The following MYT1 variants were observed in gnomAD, a reference collection of about 807,000 sequenced individuals.
MYT1 encodes the protein myelin transcription factor 1, also known as myelin transcription factor I.
Under a neutral mutation model 123.0 loss-of-function variants are expected in MYT1, and 23 were observed. The ratio of observed to expected loss-of-function variants is 0.19; its 90% CI spans 0.13 to 0.26. MYT1 has a LOEUF of 0.26. Ranked by LOEUF, MYT1 falls within the 10% of genes least tolerant of loss-of-function variation. MYT1 has a pLI of 1.00. For missense variants in MYT1, 1,125 were observed against 1,472.5 expected (o/e 0.76, Z 3.86); for synonymous variants, 518 against 575.3 (o/e 0.90, Z 1.43).
In MYT1 at chr20:64,166,520, C is replaced by T. The variant is rs398111; in HGVS notation, c.-99+1781C>T. Reference sequence around the variant, plus strand: ...TCTGACCTCCTTGGGCCATGAATCCCTGAAGAGGGCCTGGTAGCCCTCTTC... The same window carrying T: ...TCTGACCTCCTTGGGCCATGAATCCTTGAAGAGGGCCTGGTAGCCCTCTTC... On this transcript the variant is annotated intron_variant, in intron 1 of 22. Coordinates refer to ENST00000328439, the MANE Select transcript of MYT1 (RefSeq NM_004535.3). This position sits in a 1 kb window ranked among gnomAD's most constrained non-coding sequence, Gnocchi z 4.9. Among the ~76,000 whole-genome samples the T allele has an allele frequency of 0.25, 37,500 of 152,028 alleles. 5,024 individuals carry two copies. Among genetic ancestry groups the T allele is most frequent in the East Asian group, 0.39 (2,022 of 5,140 alleles).
rs1263331180 is a variant in MYT1 at position 64,202,447 on chromosome 20, A to G, written c.86+2525A>G. On this transcript the variant is annotated intron_variant, in intron 4 of 22. Transcript: ENST00000328439. The surrounding 1 kb of genome is among the most constrained non-coding windows in gnomAD (Gnocchi z 5.0). ...AGGGAAGGTTAGGGTTGGGGTTAGC[A>G]TCTTTGAGACAGCGAGGCGCTGACA... 6.6e-6 allele frequency among the ~76,000 whole-genome samples: 1 copy of G among 152,142 alleles called. No individual in the cohort carries two copies. The highest frequency in any genetic ancestry group is 1.9e-4 in the East Asian group (1 of 5,180).
rs1982897202 is a variant in MYT1 at position 64,189,155 on chromosome 20, G to C, written c.-98-908G>C. Among the ~76,000 whole-genome samples, 1 of 152,192 alleles carries C rather than the reference G, an allele frequency of 6.6e-6. No homozygotes were observed. The highest frequency in any genetic ancestry group is 2.4e-5 in the African/African-American group (1 of 41,448). On this transcript the variant is annotated intron_variant, in intron 1 of 22. Transcript: ENST00000328439. The surrounding 1 kb of genome is among the most constrained non-coding windows in gnomAD (Gnocchi z 5.5). ...TTGGGGATGCACATCAAAAACACGA[G>C]GAAAAGAAAGAAAGTGGGTGGGAAT...
intron 19 of MYT1, among the ~76,000 whole-genome samples, 192 bp from the exon 20 acceptor site, chr20:64,236,363 C>CGGTGGGTGACCCTGGGATGGCGGT (rs1984543659): frequency 1.3e-5 from 1 of 75,040 alleles, no homozygotes. Flanking sequence ...GGGATGGCCG[C>CGGTGGGTGACCCTGGGATGGCGGT]GGTGGGTGAC....
At chr20:64,223,457 C>A in intron 16 of MYT1, 98 bp downstream of exon 16, 1 of 1,377,460 alleles carries the variant, frequency 7.3e-7, no homozygotes, top group Non-Finnish European at 1.0e-6. Context: ...CTCCAAGGTG[C>A]CAAGCCTCAG....
In MYT1 at chr20:64,221,772, A is replaced by G; in HGVS notation, c.2242-121A>G. 1.3e-5 allele frequency: 13 copies of G among 983,916 alleles called. No homozygotes were observed. In the South Asian group the frequency reaches 2.1e-4, roughly 16 times the overall value. 60.9% of individuals were successfully genotyped at this position (983,916 alleles called of 1,614,324 possible). On this transcript the variant is annotated intron_variant, in intron 13 of 22. Transcript: ENST00000328439. ...CTTCCTCCCTTATCCAGAAGATAGG[A>G]GACTCCGGGAGATGCTTCTGTGGAC...
At position 64,231,192 on chromosome 20, in the gene MYT1, G is replaced by A. The variant is rs1568720289; in HGVS notation, c.2676-972G>A. ...AGCACACAGGGAGTGTGTGACAAAC[G>A]GTAATTTGGATGAGTTTCATTTATG... is the stretch of plus-strand genomic sequence containing the variant. On this transcript the variant is annotated intron_variant, in intron 18 of 22. Transcript: ENST00000328439. This position sits in a 1 kb window ranked among gnomAD's most constrained non-coding sequence, Gnocchi z 6.4. Among the ~76,000 whole-genome samples, 2 of 152,206 alleles carry A rather than the reference G, an allele frequency of 1.3e-5. No individual in the cohort carries two copies. The highest frequency in any genetic ancestry group is 2.9e-5 in the Non-Finnish European group (2 of 68,042).
rs954450235 is a variant in MYT1 at position 64,193,990 on chromosome 20, G to A, written c.-1+3830G>A. On this transcript the variant is annotated intron_variant, in intron 2 of 22. Coordinates refer to ENST00000328439, the MANE Select transcript of MYT1 (RefSeq NM_004535.3). This position sits in a 1 kb window ranked among gnomAD's most constrained non-coding sequence, Gnocchi z 4.0. ...AATGCCCGGAACCCCCCAGCTCAGC[G>A]TTCCCACATATGGCCTCTCTGCAGC... is the stretch of plus-strand genomic sequence containing the variant. Among the ~76,000 whole-genome samples the A allele has an allele frequency of 2.0e-5, 3 of 152,120 alleles. No homozygotes were observed. The highest frequency in any genetic ancestry group is 4.4e-5 in the Non-Finnish European group (3 of 68,016).
In MYT1 at chr20:64,218,387, T is replaced by A. The variant is rs978128489; in HGVS notation, c.1847-524T>A. Among the ~76,000 whole-genome samples the A allele has an allele frequency of 1.4e-4, 21 of 152,236 alleles. No individual in the cohort carries two copies. Among genetic ancestry groups the A allele is most frequent in the Admixed American group, 1.0e-3 (16 of 15,288 alleles). On this transcript the variant is annotated intron_variant, in intron 11 of 22. Transcript: ENST00000328439. The surrounding 1 kb of genome is among the most constrained non-coding windows in gnomAD (Gnocchi z 4.0). ...CATTTGAGCAATAATGTTACTTTTT[T>A]AAGGCAGTGATGGTTACCGGGGACA... is the stretch of plus-strand genomic sequence containing the variant.
At chr20:64,178,529 G>A (rs1298369750) in intron 1 of MYT1, among the ~76,000 whole-genome samples, 2 of 152,210 alleles carry the variant, frequency 1.3e-5, no homozygotes, top group African/African-American at 2.4e-5. Context: ...GTTATTCGGT[G>A]GGATACCCTT....
intron 1 of MYT1, among the ~76,000 whole-genome samples, chr20:64,187,471 CTT>C (rs1192979401): frequency 7.8e-6 from 1 of 127,486 alleles, no homozygotes; most frequent in East Asian, 2.4e-4. Context: ...TCCGTGGAGA[CTT>C]TTCCTGTAGC....
rs775386155 is a variant in MYT1, at chr20:64,211,179, C to T, written c.1292-27C>T. On this transcript the variant is annotated intron_variant, in intron 7 of 22. Coordinates refer to ENST00000328439, the MANE Select transcript of MYT1 (RefSeq NM_004535.3). ...CTGCTCACCACCCAGCTTCCTGGCT[C>T]TAACTGATGTGACTTGTGTGTTTTA... 4 of 1,597,662 alleles carry T rather than the reference C, an allele frequency of 2.5e-6. No homozygotes were observed. In the East Asian group the frequency reaches 9.0e-5, roughly 36 times the overall value.
At position 64,208,020 on chromosome 20, in the gene MYT1, A is replaced by G; in HGVS notation, c.824A>G (p.Glu275Gly). The change falls in exon 7 of 23, where the codon GAA (glutamate) becomes GGA (glycine). Residue 275 changes from glutamate to glycine, a missense_variant. This residue lies in a region of MYT1 where 406 missense variants were observed against 432.2 expected (regional missense o/e 0.94). Transcript: ENST00000328439. This position sits in a 1 kb window ranked among gnomAD's most constrained non-coding sequence, Gnocchi z 5.4. ...GAGGAAGAGGAGGAGGAGGAGGATGAAGAAGAGGAAGAGGAAGAGGAGGAG... is the reference window on the plus strand; with the variant it reads ...GAGGAAGAGGAGGAGGAGGAGGATGGAGAAGAGGAAGAGGAAGAGGAGGAG... Reference protein sequence around the residue: ...EEEEEEEEEDEEEEEEEEEEE... With the variant: ...EEEEEEEEEDGEEEEEEEEEE... 1 of 1,599,184 alleles carries G rather than the reference A, an allele frequency of 6.3e-7. No individual in the cohort carries two copies. The highest frequency in any genetic ancestry group is 8.5e-7 in the Non-Finnish European group (1 of 1,173,240).
In MYT1 at chr20:64,213,423, G is replaced by A; in HGVS notation, c.1518-111G>A. 3 of 733,626 alleles carry A rather than the reference G, an allele frequency of 4.1e-6. No homozygotes were observed. The highest frequency in any genetic ancestry group is 7.0e-6 in the Non-Finnish European group (3 of 427,572). 45.4% of individuals were successfully genotyped at this position (733,626 alleles called of 1,614,324 possible). On this transcript the variant is annotated intron_variant, in intron 9 of 22. Transcript: ENST00000328439. The surrounding 1 kb of genome is among the most constrained non-coding windows in gnomAD (Gnocchi z 5.6). ...TCTGGGCTTCTCTGGAGTTCACCTG[G>A]AGTTCTCACATCTGAATGACCTTGC...
intron 20 of MYT1, 123 bp downstream of exon 20, chr20:64,236,769 G>A (rs937753888): frequency 2.8e-5 from 22 of 781,302 alleles, no homozygotes; most frequent in Non-Finnish European, 4.3e-5. Flanking sequence ...AATGAGTCAC[G>A]GCAGAGGCAG....
In MYT1 at chr20:64,213,187, G is replaced by T. The variant is rs559467174; in HGVS notation, c.1518-347G>T. Among the ~76,000 whole-genome samples, 8 of 152,264 alleles carry T rather than the reference G, an allele frequency of 5.3e-5. No individual in the cohort carries two copies. Among genetic ancestry groups the T allele is most frequent in the African/African-American group, 1.9e-4 (8 of 41,546 alleles). On this transcript the variant is annotated intron_variant, in intron 9 of 22. Transcript: ENST00000328439. The surrounding 1 kb of genome is among the most constrained non-coding windows in gnomAD (Gnocchi z 5.6). ...CTGCAAGCTGGGAAGGGAGAGGAAG[G>T]GGGTGAGGGCAAGCCTGTCTCCCAG...
chr20:64,226,541 C>T (rs1378295178), intron 16 of MYT1, among the ~76,000 whole-genome samples: 1 of 152,202 alleles, frequency 6.6e-6, no homozygotes, highest in Non-Finnish European at 1.5e-5. Context: ...CCTGCAGGGT[C>T]AGGGGTCAGG....
rs1982986987 is a variant in MYT1, at chr20:64,192,105, G to C, written c.-1+1945G>C. 6.6e-6 allele frequency among the ~76,000 whole-genome samples: 1 copy of C among 152,168 alleles called. No homozygotes were observed. The highest frequency in any genetic ancestry group is 6.5e-5 in the Admixed American group (1 of 15,284). On this transcript the variant is annotated intron_variant, in intron 2 of 22. Coordinates refer to ENST00000328439, the MANE Select transcript of MYT1 (RefSeq NM_004535.3). This position sits in a 1 kb window ranked among gnomAD's most constrained non-coding sequence, Gnocchi z 5.3. ...GACATGACAAACTCAGAGAGTTTGGGACCTACCATGACAACCCATGGCTGT... is the reference window on the plus strand; with the variant it reads ...GACATGACAAACTCAGAGAGTTTGGCACCTACCATGACAACCCATGGCTGT...
intron 13 of MYT1, among the ~76,000 whole-genome samples, 153 bp downstream of exon 13, chr20:64,220,135 C>G (rs1385183959): frequency 6.6e-6 from 1 of 152,232 alleles, no homozygotes; most frequent in South Asian, 2.1e-4. Context: ...GGTCCTTCAT[C>G]TTCTGAGCAG....
At chr20:64,237,481 C>A in intron 21 of MYT1, 91 bp downstream of exon 21, 1 of 1,010,148 alleles carries the variant, frequency 9.9e-7, no homozygotes. Flanking sequence ...CGGCACTCAT[C>A]AAGGTTGCTG....
Sources: gnomAD v4.1 joint callset for allele counts (sites outside exome capture counted in the v4.1 genomes callset) on GRCh38, gnomAD v4.1.1 for gene constraint, gnomAD v4.1.1 regional missense constraint, Gnocchi (gnomAD v3.1) non-coding constraint, MANE v1.5 for transcripts, NCBI Gene and HGNC (gene_info 2026-07-23, HGNC 2026-07-21) for gene names.